The following TSG101 variants were observed in gnomAD, a reference collection of about 807,000 sequenced individuals.
TSG101 encodes tumor susceptibility 101.
Under a neutral mutation model 48.5 loss-of-function variants are expected in TSG101, and 19 were observed. The ratio of observed to expected loss-of-function variants is 0.39; its 90% CI spans 0.27 to 0.58. The LOEUF (loss-of-function observed/expected upper bound fraction) is 0.58, where lower values mean the gene tolerates loss of function less well. Among genes scored for constraint, TSG101 ranks in the 20% least tolerant of loss-of-function variants. The pLI is 0.55. For missense variants in TSG101, 365 were observed against 484.4 expected (o/e 0.75, Z 2.31); for synonymous variants, 174 against 169.4 (o/e 1.03, Z -0.21).
At chr11:18,523,683 G>A (rs1850319108) in intron 1 of TSG101, among the ~76,000 whole-genome samples, 1 of 152,026 alleles carries the variant, frequency 6.6e-6, no homozygotes, top group Non-Finnish European at 1.5e-5. Context: ...TGTATTTTTA[G>A]TAGAGATGGG....
chr11:18,502,503 G>A lies in TSG101; in HGVS notation c.623C>T (p.Pro208Leu), dbSNP rs148455832. The stretch of plus-strand genomic sequence containing the variant: ...GTACTTACCAACAGTGGTCACAGGA[G>A]GCTGAGAAGGGTACTGAGAACTTGT... ...ATTSSQYPSQ[P>L]PVTTVGPSRD... Residue 208 changes from proline to leucine, a missense_variant, in exon 7 of 10, where the codon CCT becomes CTT. Pro to Leu is a moderately conservative substitution (Grantham distance 98). Coordinates refer to ENST00000251968, the MANE Select transcript of TSG101 (RefSeq NM_006292.4). 8.1e-5 allele frequency: 130 copies of A among 1,613,124 alleles called. No individual in the cohort carries two copies. The highest frequency in any genetic ancestry group is 1.0e-4 in the Non-Finnish European group (120 of 1,179,596).
intron 5 of TSG101, chr11:18,508,604 C>T (rs932375528): frequency 1.9e-4 from 29 of 152,074 alleles, no homozygotes; most frequent in African/African-American, 6.0e-4. Flanking sequence ...AGTACCTTTA[C>T]TAAAAGAAAT....
In TSG101 at chr11:18,526,933, G is replaced by T. The variant is rs961540793; in HGVS notation, c.-117C>A. On this transcript the variant is annotated 5_prime_UTR_variant, in exon 1 of 10. Coordinates refer to ENST00000251968, the MANE Select transcript of TSG101 (RefSeq NM_006292.4). ...CCCGGCCTCAAACAACAGGAAGTCGGCACCACTACACCACTTCCGCTTCCA... is the reference window on the plus strand; with the variant it reads ...CCCGGCCTCAAACAACAGGAAGTCGTCACCACTACACCACTTCCGCTTCCA... The T allele has an allele frequency of 2.0e-5, 23 of 1,125,102 alleles. No homozygotes were observed. Among genetic ancestry groups the T allele is most frequent in the Non-Finnish European group, 2.8e-5 (22 of 787,414 alleles). The allele number at this position is 1,125,102 out of a possible 1,614,324, so 69.7% of individuals were successfully genotyped here. A position where few individuals can be genotyped will look rare whatever the true frequency, so the allele number is the denominator to read the frequency against.
intron 6 of TSG101, among the ~76,000 whole-genome samples, chr11:18,506,621 T>C (rs1011753149): frequency 2.0e-5 from 3 of 151,562 alleles, no homozygotes; most frequent in South Asian, 4.2e-4. Context: ...ACTGGGGAAG[T>C]AGAGGTTGCA....
rs758585840 is a variant in TSG101 at position 18,524,518 on chromosome 11, G to C, written c.42+2257C>G. Among the ~76,000 whole-genome samples the C allele has an allele frequency of 6.8e-4, 103 of 152,316 alleles. 1 individual carries two copies. The highest frequency in any genetic ancestry group is 6.2e-4 in the South Asian group (3 of 4,828). ...AAACATTTGAAGCCCTTCTTTAGGA[G>C]GAAGGAGCCCCACAACTGCTTCTAT... On this transcript the variant is annotated intron_variant, in intron 1 of 9. Coordinates refer to ENST00000251968, the MANE Select transcript of TSG101 (RefSeq NM_006292.4).
At chr11:18,499,642 A>G (rs1020109238) in intron 7 of TSG101, among the ~76,000 whole-genome samples, 1 of 150,680 alleles carries the variant, frequency 6.6e-6, no homozygotes, top group East Asian at 2.0e-4. Context: ...CCAACTCCTG[A>G]CCTCGCAATC....
intron 7 of TSG101, among the ~76,000 whole-genome samples, chr11:18,491,931 G>A (rs971488587): frequency 6.6e-6 from 1 of 152,142 alleles, no homozygotes; most frequent in Non-Finnish European, 1.5e-5. Flanking sequence ...GACTTAATAT[G>A]AATTAAAGTC....
intron 7 of TSG101, among the ~76,000 whole-genome samples, chr11:18,500,252 T>C (rs917942703): frequency 5.3e-5 from 8 of 152,258 alleles, no homozygotes; most frequent in Non-Finnish European, 1.2e-4. Context: ...GTTCACTCCA[T>C]ATCTTAGCTA....
rs1357238696 is a variant in TSG101 at position 18,516,125 on chromosome 11, G to C, written c.167C>G (p.Thr56Ser). The C allele has an allele frequency of 3.1e-6, 5 of 1,613,994 alleles. No individual in the cohort carries two copies. Among genetic ancestry groups the C allele is most frequent in the Non-Finnish European group, 3.4e-6 (4 of 1,179,962 alleles). The change falls in exon 3 of 10, where the codon ACT (threonine) becomes AGT (serine). Residue 56 changes from threonine (T) to serine (S), a missense_variant. Thr to Ser is a moderately conservative substitution (Grantham distance 58). Transcript: ENST00000251968. ...TCTATAAGGCACAGGGATTGTTCCA[G>C]TGAGGTTCATTAGTTCCCTGGAACT... ...DGSSRELMNL[T>S]GTIPVPYRGN...
Position 18,483,747 on chromosome 11 carries a change from G to C in TSG101, c.843+123C>G, listed in dbSNP as rs1053887863. On this transcript the variant is annotated intron_variant, in intron 8 of 9. Coordinates refer to ENST00000251968, the MANE Select transcript of TSG101 (RefSeq NM_006292.4). Reference sequence around the variant, plus strand: ...AAGGTATAAAAAATTACATTCAAATGTTTAAAGATGCCTATAATTTTCTGA... The same window carrying C: ...AAGGTATAAAAAATTACATTCAAATCTTTAAAGATGCCTATAATTTTCTGA... The C allele has an allele frequency of 9.0e-6, 9 of 997,750 alleles. No individual in the cohort carries two copies. The Admixed American group carries it at 2.0e-4, about 23-fold the overall frequency. 61.8% of individuals were successfully genotyped at this position (997,750 alleles called of 1,614,324 possible). A position where few individuals can be genotyped will look rare whatever the true frequency, so the allele number is the denominator to read the frequency against.
At chr11:18,506,972 T>C in intron 5 of TSG101, 49 bp from the exon 6 acceptor site, 1 of 1,459,838 alleles carries the variant, frequency 6.9e-7, no homozygotes, top group Non-Finnish European at 9.5e-7. Context: ...AAGGCCTGAA[T>C]ATGTAGGCTA....
chr11:18,511,847 T>C (rs1038714959), intron 4 of TSG101, among the ~76,000 whole-genome samples: 4 of 152,188 alleles, frequency 2.6e-5, no homozygotes, highest in Non-Finnish European at 5.9e-5. Context: ...TCCATCTCTA[T>C]AGATTTGCTT....
chr11:18,511,540 G>A (rs1850082266), intron 4 of TSG101: 1 of 152,054 alleles, frequency 6.6e-6, no homozygotes, highest in Non-Finnish European at 1.5e-5. Flanking sequence ...GGTGTGTGTG[G>A]GGATGGCCAC....
intron 3 of TSG101, among the ~76,000 whole-genome samples, chr11:18,515,062 T>C (rs34150212): frequency 0.049 from 7,504 of 152,250 alleles, 310 homozygotes; most frequent in East Asian, 0.19. Context: ...CTTTATACAA[T>C]GCTGATACTC....
intron 8 of TSG101, among the ~76,000 whole-genome samples, 195 bp downstream of exon 8, chr11:18,483,675 C>T (rs1214505235): frequency 6.6e-6 from 1 of 152,022 alleles, no homozygotes; most frequent in Non-Finnish European, 1.5e-5. Context: ...ATATTATACC[C>T]CTCCCAATCT....
chr11:18,483,616 TCAG>T (rs1384264584), intron 8 of TSG101, among the ~76,000 whole-genome samples: 1 of 152,088 alleles, frequency 6.6e-6, no homozygotes, highest in East Asian at 1.9e-4. Flanking sequence ...TATGTCTTTA[TCAG>T]CAGTGTGAAA....
chr11:18,492,198 T>C (rs903481230), intron 7 of TSG101, among the ~76,000 whole-genome samples: 1 of 152,202 alleles, frequency 6.6e-6, no homozygotes, highest in Non-Finnish European at 1.5e-5. Context: ...ATAATCTATA[T>C]GAAATATTAT....
At chr11:18,506,550 G>A (rs1849976707) in intron 6 of TSG101, among the ~76,000 whole-genome samples, 1 of 151,910 alleles carries the variant, frequency 6.6e-6, no homozygotes, top group Non-Finnish European at 1.5e-5. Flanking sequence ...AATTAGCCGG[G>A]AATGGTGGCA....
Position 18,514,765 on chromosome 11 carries a change from C to T in TSG101, c.270G>A (p.Lys90=). The T allele has an allele frequency of 1.3e-6, 2 of 1,597,620 alleles. No homozygotes were observed. The highest frequency in any genetic ancestry group is 1.7e-6 in the Non-Finnish European group (2 of 1,174,372). The change falls in exon 4 of 10, where the codon AAG becomes AAA. Residue 90 remains lysine (K), a synonymous_variant. Transcript: ENST00000251968. Reference sequence around the variant, plus strand: ...TTTTAATAGTCATTGAACTAGTAGGCTTAACAAAACAGATAGGGGGATTAT... The same window carrying T: ...TTTTAATAGTCATTGAACTAGTAGGTTTAACAAAACAGATAGGGGGATTAT... ...YPYNPPICFV[K]PTSSMTIKTG... is the part of the protein sequence containing the mutation.
Sources: allele counts gnomAD v4.1 joint callset (sites outside exome capture counted in the v4.1 genomes callset), GRCh38; gene constraint gnomAD v4.1.1; transcripts MANE v1.5; gene names NCBI Gene and HGNC (gene_info 2026-07-23, HGNC 2026-07-21).